Variants in AHCYL2 observed in about 807,000 individuals in gnomAD.
The protein encoded by AHCYL2 is S-adenosylhomocysteine hydrolase-like protein 2.
AHCYL2 carries 28 observed loss-of-function variants against 81.4 expected under a neutral mutation model. The ratio of observed to expected loss-of-function variants is 0.34; its 90% CI spans 0.25 to 0.47. The LOEUF is 0.47. Among genes scored for constraint, AHCYL2 ranks in the 20% least tolerant of loss-of-function variants. The pLI is 1.00. For missense variants in AHCYL2, 551 were observed against 785.1 expected (o/e 0.70, Z 3.56); for synonymous variants, 272 against 290.2 (o/e 0.94, Z 0.64).
At chr7:129,417,709 T>C (rs1003046261) in intron 12 of AHCYL2, among the ~76,000 whole-genome samples, 2 of 152,210 alleles carry the variant, frequency 1.3e-5, no homozygotes, top group African/African-American at 4.8e-5. Context: ...GCATGTAAAA[T>C]GAAATTCAAG....
chr7:129,275,652 G>T (rs1480027674), intron 1 of AHCYL2, among the ~76,000 whole-genome samples: 1 of 152,066 alleles, frequency 6.6e-6, no homozygotes, highest in African/African-American at 2.4e-5. Flanking sequence ...GAAGAATTAA[G>T]CAAGAAGCTA....
chr7:129,261,766 T>C (rs1171135897), intron 1 of AHCYL2, among the ~76,000 whole-genome samples: 1 of 152,224 alleles, frequency 6.6e-6, no homozygotes, highest in African/African-American at 2.4e-5. Flanking sequence ...TCTCTTCCAT[T>C]TTTCATGAGA....
chr7:129,368,157 C>A lies in AHCYL2; in HGVS notation c.364-11481C>A. Reference sequence around the variant, plus strand: ...AGTCCAACTATTGCTGCAGAAAGTCCCCACTGGGGAGGTGCGGGTAGAGTG... The same window carrying A: ...AGTCCAACTATTGCTGCAGAAAGTCACCACTGGGGAGGTGCGGGTAGAGTG... On this transcript the variant is annotated intron_variant, in intron 1 of 16. Transcript: ENST00000325006. The surrounding 1 kb of genome is among the most constrained non-coding windows in gnomAD (Gnocchi z 4.4). 1 of 1,076,490 alleles carries A rather than the reference C, an allele frequency of 9.3e-7. No homozygotes were observed. 66.7% of individuals were successfully genotyped at this position (1,076,490 alleles called of 1,614,324 possible).
chr7:129,348,365 T>C (rs1319554171), intron 1 of AHCYL2, among the ~76,000 whole-genome samples: 1 of 151,848 alleles, frequency 6.6e-6, no homozygotes, highest in East Asian at 1.9e-4. Flanking sequence ...TATGATATGC[T>C]ACCATCTGTG....
intron 13 of AHCYL2, 37 bp downstream of exon 13, chr7:129,422,975 A>G (rs201345908): frequency 6.3e-7 from 1 of 1,582,962 alleles, no homozygotes; most frequent in African/African-American, 1.3e-5. Context: ...CCCCCACAAC[A>G]GGAGAGACTG....
At chr7:129,230,220 C>G (rs1794378173) in intron 1 of AHCYL2, among the ~76,000 whole-genome samples, 1 of 151,146 alleles carries the variant, frequency 6.6e-6, no homozygotes, top group Admixed American at 6.6e-5. Context: ...GTAGCTGGGA[C>G]TACAGGTGTG....
In AHCYL2 at chr7:129,419,962, G is replaced by A. The variant is rs912130824; in HGVS notation, c.1462-2878G>A. Among the ~76,000 whole-genome samples, 1 of 152,176 alleles carries A rather than the reference G, an allele frequency of 6.6e-6. No individual in the cohort carries two copies. The highest frequency in any genetic ancestry group is 2.4e-5 in the African/African-American group (1 of 41,430). ...TCTTGTCAAGTTGTGCCAGCCGTAA[G>A]GTAGGAAACCCTTCTGCTCTTGAGG... is the stretch of plus-strand genomic sequence containing the variant. On this transcript the variant is annotated intron_variant, in intron 12 of 16. Transcript: ENST00000325006. The surrounding 1 kb of genome is among the most constrained non-coding windows in gnomAD (Gnocchi z 4.7).
chr7:129,242,404 G>T (rs1391658873), intron 1 of AHCYL2, among the ~76,000 whole-genome samples: 1 of 151,492 alleles, frequency 6.6e-6, no homozygotes. Flanking sequence ...GTTTCTCCAG[G>T]ATGTATCTCT....
chr7:129,296,168 GT>G (rs1249002699), intron 1 of AHCYL2, among the ~76,000 whole-genome samples: 3 of 152,080 alleles, frequency 2.0e-5, no homozygotes, highest in Non-Finnish European at 4.4e-5. Context: ...CCCTATGATA[GT>G]TACTTAAAAT....
At chr7:129,306,022 C>T (rs1384691958) in intron 1 of AHCYL2, among the ~76,000 whole-genome samples, 1 of 152,142 alleles carries the variant, frequency 6.6e-6, no homozygotes, top group Middle Eastern at 3.2e-3. Flanking sequence ...AGGATCCTTT[C>T]TCTATCCTTG....
intron 2 of AHCYL2, among the ~76,000 whole-genome samples, 190 bp downstream of exon 2, chr7:129,379,939 A>G (rs896207401): frequency 2.0e-5 from 3 of 152,206 alleles, no homozygotes; most frequent in African/African-American, 7.2e-5. Flanking sequence ...AGTGGAGCTT[A>G]ATAGAGGCCT....
intron 1 of AHCYL2, among the ~76,000 whole-genome samples, chr7:129,306,777 C>G (rs1196224462): frequency 1.3e-5 from 2 of 152,142 alleles, no homozygotes; most frequent in African/African-American, 4.8e-5. Flanking sequence ...GTGTTGAGAT[C>G]TGTTTTTGGT....
chr7:129,399,141 CAAAAA>C (rs71162600), intron 5 of AHCYL2, among the ~76,000 whole-genome samples: 1,667 of 44,852 alleles, frequency 0.037, 32 homozygotes, highest in African/African-American at 0.17. Context: ...GACTCCATCT[CAAAAA>C]AAAAAAAAAA....
rs374330388 is a variant in AHCYL2 at position 129,426,419 on chromosome 7, C to T, written c.1709-24C>T. The T allele has an allele frequency of 5.0e-5, 81 of 1,614,032 alleles. No homozygotes were observed. In the African/African-American group the frequency reaches 9.2e-4, roughly 18 times the overall value. ...AGATAAAAGGCATGAATGCTTATAC[C>T]AGGGCTTCTGTGGTCTGTTCCAGAT... On this transcript the variant is annotated intron_variant, in intron 15 of 16. Transcript: ENST00000325006. The surrounding 1 kb of genome is among the most constrained non-coding windows in gnomAD (Gnocchi z 4.3).
rs1797491046 is a variant in AHCYL2 at position 129,429,428 on chromosome 7, G to C, written c.*2383G>C. ...ATGCATCCTGGTTATCTGGAAGCAT[G>C]GGAAAGAAGGCTACTTATCTCTTTG... is the stretch of plus-strand genomic sequence containing the variant. On this transcript the variant is annotated 3_prime_UTR_variant, in exon 17 of 17. Transcript: ENST00000325006. 6.6e-6 allele frequency: 1 copy of C among 152,208 alleles called. No homozygotes were observed. Among genetic ancestry groups the C allele is most frequent in the African/African-American group, 2.4e-5 (1 of 41,460 alleles). 9.4% of individuals were successfully genotyped at this position (152,208 alleles called of 1,614,324 possible). A position where few individuals can be genotyped will look rare whatever the true frequency, so the allele number is the denominator to read the frequency against.
At chr7:129,393,715 C>T (rs1308349831) in intron 4 of AHCYL2, among the ~76,000 whole-genome samples, 1 of 152,192 alleles carries the variant, frequency 6.6e-6, no homozygotes, top group Non-Finnish European at 1.5e-5. Flanking sequence ...TACAAGATCA[C>T]CTAAGCTCAT....
At chr7:129,231,384 T>A (rs1794432866) in intron 1 of AHCYL2, among the ~76,000 whole-genome samples, 1 of 152,198 alleles carries the variant, frequency 6.6e-6, no homozygotes, top group African/African-American at 2.4e-5. Context: ...GATAGTTCAT[T>A]AAAAAGGGAG....
chr7:129,240,227 A>G (rs2694585), intron 1 of AHCYL2, among the ~76,000 whole-genome samples: 135,215 of 150,634 alleles, frequency 0.9, 61,464 homozygotes, highest in East Asian at 1. Flanking sequence ...TCAAAAAAAA[A>G]AAAGAATCCC....
At chr7:129,347,671 C>T (rs921063410) in intron 1 of AHCYL2, among the ~76,000 whole-genome samples, 1 of 152,014 alleles carries the variant, frequency 6.6e-6, no homozygotes, top group Admixed American at 6.6e-5. Flanking sequence ...TGATAGTGAA[C>T]AATTACAGTC....
Sources: gnomAD v4.1 joint callset for allele counts (sites outside exome capture counted in the v4.1 genomes callset) on GRCh38, gnomAD v4.1.1 for gene constraint, Gnocchi (gnomAD v3.1) non-coding constraint, MANE v1.5 for transcripts, NCBI Gene and HGNC (gene_info 2026-07-23, HGNC 2026-07-21) for gene names.